Variants in GCNT2 observed in about 807,000 individuals in gnomAD.
The protein encoded by GCNT2 is N-acetyllactosaminide beta-1,6-N-acetylglucosaminyl-transferase.
Under a neutral mutation model 34.2 loss-of-function variants are expected in GCNT2, and 34 were observed. That is an observed-to-expected ratio of 1.00 (90% CI 0.76 to 1.32). GCNT2 has a LOEUF of 1.32. Ranked by LOEUF, GCNT2 falls within the 40% of genes most tolerant of loss-of-function variation. The pLI, the probability that GCNT2 is intolerant of heterozygous loss-of-function variation, is 0.00. For synonymous variants in GCNT2, 212 were observed against 188.0 expected, an observed-to-expected ratio of 1.13 and a Z score of -1.04; for missense variants, 584 against 489.4, an observed-to-expected ratio of 1.19 and a Z score of -1.82.
intron 3 of GCNT2, among the ~76,000 whole-genome samples, chr6:10,589,102 AGTGTGTGTGTG>A (rs1220013854): frequency 2.9e-5 from 3 of 103,846 alleles, no homozygotes; most frequent in African/African-American, 8.8e-5. Flanking sequence ...GTGTGTGTGT[AGTGTGTGTGTG>A]GTGTGTGTGT....
intron 1 of GCNT2, among the ~76,000 whole-genome samples, chr6:10,524,863 AAAG>A (rs1374397001): frequency 6.8e-6 from 1 of 146,366 alleles, no homozygotes; most frequent in Non-Finnish European, 1.5e-5. Flanking sequence ...GAAAGAAAGA[AAAG>A]AAAAAGGACA....
chr6:10,599,898 A>C (rs888341321), intron 3 of GCNT2, among the ~76,000 whole-genome samples: 1 of 152,182 alleles, frequency 6.6e-6, no homozygotes, highest in Non-Finnish European at 1.5e-5. Context: ...TTTGAGTGGA[A>C]GATATGAAAG....
chr6:10,582,491 A>AAGACATC (rs1764161798), intron 3 of GCNT2, among the ~76,000 whole-genome samples: 1 of 106,446 alleles, frequency 9.4e-6, no homozygotes, highest in Non-Finnish European at 1.9e-5. Context: ...TATATACTAT[A>AAGACATC]ATATATAATA....
At chr6:10,531,684 G>A (rs1449717632) in intron 3 of GCNT2, among the ~76,000 whole-genome samples, 1 of 152,160 alleles carries the variant, frequency 6.6e-6, no homozygotes, top group African/African-American at 2.4e-5. Context: ...GGAAAGTCTG[G>A]TGGGGAAAGC....
At position 10,562,841 on chromosome 6, in the gene GCNT2, C is replaced by T. The variant is rs1763066059; in HGVS notation, c.925+33005C>T. On this transcript the variant is annotated intron_variant, in intron 3 of 4. Transcript: ENST00000495262. ...GGGTGACGCTGGGCAGAGCAAAGCA[C>T]AGGCCCACTGCAGGACACCCTTTGT... Among the ~76,000 whole-genome samples the T allele has an allele frequency of 3.9e-5, 6 of 152,154 alleles. No homozygotes were observed. In the South Asian group the frequency reaches 1.2e-3, roughly 32 times the overall value.
chr6:10,540,971 C>T (rs1762012625), intron 3 of GCNT2, among the ~76,000 whole-genome samples: 1 of 152,068 alleles, frequency 6.6e-6, no homozygotes, highest in Non-Finnish European at 1.5e-5. Context: ...TATCAATTAC[C>T]CTCCATCCGT....
intron 3 of GCNT2, among the ~76,000 whole-genome samples, chr6:10,576,171 C>T (rs1461715902): frequency 6.6e-6 from 1 of 152,178 alleles, no homozygotes; most frequent in African/African-American, 2.4e-5. Context: ...CGCCCTGCCA[C>T]ATTTTCAAAT....
chr6:10,573,902 C>T (rs1763669769), intron 3 of GCNT2, among the ~76,000 whole-genome samples: 2 of 152,218 alleles, frequency 1.3e-5, no homozygotes, highest in Non-Finnish European at 2.9e-5. Context: ...TTTCAGGTGG[C>T]AGAAGCACCC....
At chr6:10,593,312 G>GT (rs1358180860) in intron 3 of GCNT2, among the ~76,000 whole-genome samples, 2 of 152,118 alleles carry the variant, frequency 1.3e-5, no homozygotes, top group Non-Finnish European at 2.9e-5. Context: ...GTATAAGACA[G>GT]TTTTTTCTAG....
At chr6:10,591,013 C>T (rs1412617119) in intron 3 of GCNT2, among the ~76,000 whole-genome samples, 2 of 152,240 alleles carry the variant, frequency 1.3e-5, no homozygotes, top group Non-Finnish European at 2.9e-5. Context: ...CCTCTGGATG[C>T]CATGTCTGAT....
At chr6:10,621,697 C>T in intron 4 of GCNT2, 1 of 440,554 alleles carries the variant, frequency 2.3e-6, no homozygotes, top group East Asian at 4.8e-5. Flanking sequence ...GTTTTTCTTC[C>T]TGCTAGTTTT....
intron 3 of GCNT2, among the ~76,000 whole-genome samples, chr6:10,617,038 C>A (rs1221305377): frequency 2.0e-5 from 3 of 152,384 alleles, no homozygotes; most frequent in East Asian, 3.9e-4. Flanking sequence ...AGCTGCCTGC[C>A]AGTCCCACTC....
chr6:10,546,102 G>C (rs1762251903), intron 3 of GCNT2, among the ~76,000 whole-genome samples: 1 of 152,158 alleles, frequency 6.6e-6, no homozygotes, highest in African/African-American at 2.4e-5. Flanking sequence ...TCCCTGCCAT[G>C]TCTGTGCATG....
intron 3 of GCNT2, among the ~76,000 whole-genome samples, chr6:10,539,509 G>A (rs531238116): frequency 1.3e-5 from 2 of 151,860 alleles, no homozygotes; most frequent in African/African-American, 4.8e-5. Context: ...TTTAACTTTG[G>A]GCAAATGCCT....
chr6:10,578,442 A>ATTT (rs1378490201), intron 3 of GCNT2, among the ~76,000 whole-genome samples: 6 of 126,444 alleles, frequency 4.7e-5, no homozygotes, highest in Non-Finnish European at 8.2e-5. Flanking sequence ...TGGAGCTTAC[A>ATTT]TTCTTTTTTT....
At chr6:10,538,389 C>T (rs1581375389) in intron 3 of GCNT2, among the ~76,000 whole-genome samples, 1 of 102,984 alleles carries the variant, frequency 9.7e-6, no homozygotes, top group Admixed American at 1.6e-4. Flanking sequence ...GCCTGGGCGA[C>T]AAGAGTGAGA....
At chr6:10,526,812 C>T (rs967115980) in intron 1 of GCNT2, among the ~76,000 whole-genome samples, 6 of 152,120 alleles carry the variant, frequency 3.9e-5, no homozygotes, top group African/African-American at 7.2e-5. Context: ...GATATTATGT[C>T]GTCTTTGTGA....
intron 3 of GCNT2, among the ~76,000 whole-genome samples, chr6:10,537,635 A>G (rs1340046579): frequency 7.6e-6 from 1 of 131,234 alleles, no homozygotes; most frequent in Non-Finnish European, 1.6e-5. Flanking sequence ...CGGGAGGCGG[A>G]GGTTGCAGTG....
At chr6:10,574,785 A>G (rs1763720643) in intron 3 of GCNT2, 6 of 604,100 alleles carry the variant, frequency 9.9e-6, no homozygotes, top group Non-Finnish European at 3.2e-6. Flanking sequence ...CCAGCAGCTC[A>G]GCCTCCTTCC....
Sources: gnomAD v4.1 joint callset for allele counts (sites outside exome capture counted in the v4.1 genomes callset) on GRCh38, gnomAD v4.1.1 for gene constraint, MANE v1.5 for transcripts, NCBI Gene and HGNC (gene_info 2026-07-23, HGNC 2026-07-21) for gene names.